The following PTPRD variants were observed in gnomAD, a reference collection of about 807,000 sequenced individuals.
The protein encoded by PTPRD is protein tyrosine phosphatase receptor type D, also known as receptor-type tyrosine-protein phosphatase delta.
In PTPRD, 34 loss-of-function variants were observed where a neutral mutation model predicts 214.5. That is an observed-to-expected ratio of 0.16 (90% CI 0.12 to 0.21). PTPRD has a LOEUF of 0.21. Among genes scored for constraint, PTPRD ranks in the 10% least tolerant of loss-of-function variants. The pLI is 1.00. For missense variants in PTPRD, 2,545 were observed against 2,398.7 expected (o/e 1.06, Z -1.27); for synonymous variants, 1,128 against 845.7 (o/e 1.33, Z -5.79).
intron 11 of PTPRD, among the ~76,000 whole-genome samples, chr9:8,871,981 T>G (rs2098308663): frequency 6.6e-6 from 1 of 152,216 alleles, no homozygotes; most frequent in African/African-American, 2.4e-5. Context: ...GCCAGCAGCC[T>G]GTGGAAACCA....
chr9:8,718,445 T>C (rs916033923), intron 12 of PTPRD, among the ~76,000 whole-genome samples: 2 of 152,180 alleles, frequency 1.3e-5, no homozygotes, highest in Non-Finnish European at 2.9e-5. Context: ...AAATAGTCTT[T>C]TTATAACCTT....
At chr9:8,376,753 G>A (rs1279588058) in intron 37 of PTPRD, 27 bp from the exon 38 acceptor site, 3 of 1,610,318 alleles carry the variant, frequency 1.9e-6, no homozygotes, top group African/African-American at 1.3e-5. Flanking sequence ...ACACATTCAG[G>A]GCAAATGCTC....
intron 11 of PTPRD, among the ~76,000 whole-genome samples, chr9:8,946,417 C>T (rs1203560164): frequency 2.6e-5 from 4 of 152,066 alleles, no homozygotes; most frequent in African/African-American, 9.7e-5. Context: ...AGTTACTTTA[C>T]CTCTACCAGC....
At chr9:9,172,274 G>C (rs950395093) in intron 10 of PTPRD, among the ~76,000 whole-genome samples, 1 of 152,146 alleles carries the variant, frequency 6.6e-6, no homozygotes, top group Non-Finnish European at 1.5e-5. Flanking sequence ...TATAGCCTTT[G>C]AATCAATTTC....
Position 9,828,036 on chromosome 9 carries a change from A to C in PTPRD, c.-367-61185T>G, listed in dbSNP as rs2053557677. 2.6e-5 allele frequency among the ~76,000 whole-genome samples: 4 copies of C among 152,300 alleles called. No individual in the cohort carries two copies. In the South Asian group the frequency reaches 8.3e-4, roughly 32 times the overall value. On this transcript the variant is annotated intron_variant, in intron 5 of 45. Coordinates refer to ENST00000381196, the MANE Select transcript of PTPRD (RefSeq NM_002839.4). ...CTGGAGAGGATGTGGAGAAATAGGA[A>C]CACTTTTACACTGTTGGTGGGACTG...
intron 44 of PTPRD, among the ~76,000 whole-genome samples, chr9:8,320,358 G>C (rs1004866816): frequency 6.6e-6 from 1 of 152,100 alleles, no homozygotes; most frequent in African/African-American, 2.4e-5. Flanking sequence ...ATAAGGTGAA[G>C]TGAATTTGGC....
intron 5 of PTPRD, among the ~76,000 whole-genome samples, chr9:9,778,663 T>C (rs900583594): frequency 9.2e-5 from 14 of 152,126 alleles, no homozygotes; most frequent in Admixed American, 2.6e-4. Flanking sequence ...GTACACAGTG[T>C]AGCCTTAGCA....
intron 4 of PTPRD, among the ~76,000 whole-genome samples, chr9:9,947,575 TTATA>T (rs1197336438): frequency 4.8e-5 from 2 of 41,984 alleles, no homozygotes; most frequent in Non-Finnish European, 7.2e-5. Context: ...TATATATATA[TTATA>T]TATATATTAT....
chr9:9,164,816 C>A (rs932063733), intron 10 of PTPRD, among the ~76,000 whole-genome samples: 3 of 151,570 alleles, frequency 2.0e-5, no homozygotes, highest in African/African-American at 7.3e-5. Flanking sequence ...AGTTCGTGAC[C>A]AGCCTGGCCA....
chr9:9,853,006 A>G (rs559300596), intron 5 of PTPRD, among the ~76,000 whole-genome samples: 100 of 152,326 alleles, frequency 6.6e-4, no homozygotes, highest in African/African-American at 2.2e-3. Flanking sequence ...TCACCCTTAT[A>G]GCATCATGTA....
At chr9:8,648,269 T>C (rs1425329376) in intron 12 of PTPRD, among the ~76,000 whole-genome samples, 1 of 152,194 alleles carries the variant, frequency 6.6e-6, no homozygotes, top group Non-Finnish European at 1.5e-5. Flanking sequence ...TAATAAACAG[T>C]CATGGGATAT....
At chr9:9,030,319 T>C (rs1392351607) in intron 10 of PTPRD, among the ~76,000 whole-genome samples, 2 of 145,784 alleles carry the variant, frequency 1.4e-5, no homozygotes, top group East Asian at 4.1e-4. Context: ...ACAGATATCT[T>C]TATTCTTTTC....
intron 2 of PTPRD, among the ~76,000 whole-genome samples, chr9:10,508,164 A>C (rs995670218): frequency 1.3e-5 from 2 of 152,258 alleles, no homozygotes; most frequent in African/African-American, 4.8e-5. Flanking sequence ...TCAAAAGAAG[A>C]CGTTTATGCA....
At chr9:8,344,452 A>ATT (rs33929426) in intron 39 of PTPRD, among the ~76,000 whole-genome samples, 71,598 of 150,494 alleles carry the variant, frequency 0.48, 19,913 homozygotes, top group Non-Finnish European at 0.63. Flanking sequence ...CATAATGGTG[A>ATT]TTTTTTTTTT....
At chr9:8,432,366 G>C (rs2095111599) in intron 35 of PTPRD, among the ~76,000 whole-genome samples, 1 of 152,180 alleles carries the variant, frequency 6.6e-6, no homozygotes, top group Admixed American at 6.5e-5. Flanking sequence ...TTCACTGTTG[G>C]AGTTCAACGG....
intron 2 of PTPRD, among the ~76,000 whole-genome samples, chr9:10,395,580 A>G (rs1236443294): frequency 6.6e-6 from 1 of 151,968 alleles, no homozygotes; most frequent in South Asian, 2.1e-4. Flanking sequence ...TTGACCACAA[A>G]GATATTAACG....
At chr9:9,240,200 T>C (rs1423347541) in intron 9 of PTPRD, among the ~76,000 whole-genome samples, 1 of 152,164 alleles carries the variant, frequency 6.6e-6, no homozygotes, top group Non-Finnish European at 1.5e-5. Context: ...AAAATATTTT[T>C]GGTATTCTGA....
At chr9:8,436,065 G>T (rs2095334576) in intron 35 of PTPRD, among the ~76,000 whole-genome samples, 1 of 152,158 alleles carries the variant, frequency 6.6e-6, no homozygotes. Flanking sequence ...ATGCTGGAAA[G>T]CTTATCAATT....
intron 43 of PTPRD, among the ~76,000 whole-genome samples, chr9:8,335,885 C>T (rs1473641088): frequency 2.6e-5 from 4 of 152,100 alleles, no homozygotes; most frequent in Non-Finnish European, 4.4e-5. Context: ...ACAATTGCTT[C>T]AAAGAGAATA....
Sources: gnomAD v4.1 joint callset for allele counts (sites outside exome capture counted in the v4.1 genomes callset) on GRCh38, gnomAD v4.1.1 for gene constraint, MANE v1.5 for transcripts, NCBI Gene and HGNC (gene_info 2026-07-23, HGNC 2026-07-21) for gene names.